Variants in GRID2 observed in about 807,000 individuals in gnomAD.
GRID2 encodes glutamate ionotropic receptor delta type subunit 2, also known as glutamate receptor ionotropic, delta-2.
A neutral mutation model predicts 114.8 loss-of-function variants in GRID2; 33 were observed. That is an observed-to-expected ratio of 0.29 (90% CI 0.22 to 0.38). The LOEUF is 0.38. Ranked by LOEUF, GRID2 falls within the 10% of genes least tolerant of loss-of-function variation. The pLI is 1.00. For missense variants in GRID2, 1,184 were observed against 1,257.7 expected, an observed-to-expected ratio of 0.94 and a Z score of 0.89; for synonymous variants, 505 against 449.9, an observed-to-expected ratio of 1.12 and a Z score of -1.55.
At chr4:92,732,216 A>C (rs1736361666) in intron 2 of GRID2, among the ~76,000 whole-genome samples, 1 of 152,090 alleles carries the variant, frequency 6.6e-6, no homozygotes, top group Non-Finnish European at 1.5e-5. Flanking sequence ...AATTGTGAGT[A>C]TAATTTTTTT....
At chr4:93,033,460 A>G (rs1239065450) in intron 2 of GRID2, among the ~76,000 whole-genome samples, 2 of 152,174 alleles carry the variant, frequency 1.3e-5, no homozygotes, top group African/African-American at 4.8e-5. Context: ...GACTGTACAC[A>G]TGGAGTATTG....
At chr4:92,816,785 G>A (rs1740944679) in intron 2 of GRID2, among the ~76,000 whole-genome samples, 1 of 152,102 alleles carries the variant, frequency 6.6e-6, no homozygotes, top group Non-Finnish European at 1.5e-5. Context: ...TGTGGATTTA[G>A]TAAAAGATTA....
At chr4:92,388,239 AC>A (rs1730071516) in intron 1 of GRID2, among the ~76,000 whole-genome samples, 1 of 152,012 alleles carries the variant, frequency 6.6e-6, no homozygotes, top group Non-Finnish European at 1.5e-5. Flanking sequence ...AGGGGTTTTA[AC>A]CTTTTTAGGT....
At chr4:93,575,349 G>A (rs921077414) in intron 13 of GRID2, among the ~76,000 whole-genome samples, 4 of 152,106 alleles carry the variant, frequency 2.6e-5, no homozygotes, top group African/African-American at 9.7e-5. Flanking sequence ...ATTGGTTCAC[G>A]TGTGTACTCC....
intron 10 of GRID2, among the ~76,000 whole-genome samples, chr4:93,435,945 A>G (rs1219218405): frequency 6.6e-6 from 1 of 152,006 alleles, no homozygotes; most frequent in East Asian, 1.9e-4. Flanking sequence ...ACCTTTCTTT[A>G]TCCCTACTTC....
intron 2 of GRID2, among the ~76,000 whole-genome samples, chr4:93,050,981 A>G (rs1726654204): frequency 6.6e-6 from 1 of 152,042 alleles, no homozygotes; most frequent in Non-Finnish European, 1.5e-5. Flanking sequence ...TAAATGCTGA[A>G]TATAAAGGTC....
At chr4:92,629,144 A>T (rs917896518) in intron 2 of GRID2, among the ~76,000 whole-genome samples, 4 of 152,024 alleles carry the variant, frequency 2.6e-5, no homozygotes, top group Non-Finnish European at 2.9e-5. Context: ...GTTACCTCAG[A>T]TTAAACAGTA....
chr4:92,686,984 T>G (rs894590448), intron 2 of GRID2, among the ~76,000 whole-genome samples: 3 of 152,180 alleles, frequency 2.0e-5, no homozygotes, highest in Non-Finnish European at 4.4e-5. Flanking sequence ...CTTCTCTGTC[T>G]TGTCATTATA....
At chr4:93,103,128 G>A (rs1731859048) in intron 3 of GRID2, among the ~76,000 whole-genome samples, 1 of 151,960 alleles carries the variant, frequency 6.6e-6, no homozygotes, top group South Asian at 2.1e-4. Flanking sequence ...CCGCTTAGGG[G>A]AACCACCTCA....
chr4:93,238,653 T>G (rs1024885799), intron 8 of GRID2, among the ~76,000 whole-genome samples, 163 bp downstream of exon 8: 3 of 151,660 alleles, frequency 2.0e-5, no homozygotes, highest in Non-Finnish European at 4.4e-5. Context: ...CTTTAAATAT[T>G]TACCAGAAGT....
chr4:92,610,501 C>G (rs758193907), intron 2 of GRID2, among the ~76,000 whole-genome samples: 4 of 151,662 alleles, frequency 2.6e-5, no homozygotes, highest in Admixed American at 6.6e-5. Context: ...TCTGAGAACT[C>G]AGATGCTCCA....
chr4:92,677,094 G>C (rs370751479), intron 2 of GRID2, among the ~76,000 whole-genome samples: 36 of 152,238 alleles, frequency 2.4e-4, no homozygotes, highest in African/African-American at 7.2e-4. Flanking sequence ...AAAACAGATT[G>C]GTGGCTGCCA....
At chr4:93,055,245 G>C (rs1324732480) in intron 2 of GRID2, among the ~76,000 whole-genome samples, 1 of 151,654 alleles carries the variant, frequency 6.6e-6, no homozygotes, top group Non-Finnish European at 1.5e-5. Flanking sequence ...GGAATCATGA[G>C]ACCTTACTGC....
intron 9 of GRID2, among the ~76,000 whole-genome samples, chr4:93,408,154 G>C (rs755485588): frequency 6.2e-4 from 94 of 152,226 alleles, no homozygotes; most frequent in Non-Finnish European, 1.1e-3. Flanking sequence ...GTCTTTCACT[G>C]TTTTAAAAGT....
chr4:93,105,571 G>A (rs551220407), intron 3 of GRID2, among the ~76,000 whole-genome samples: 2 of 152,174 alleles, frequency 1.3e-5, no homozygotes, highest in Non-Finnish European at 2.9e-5. Context: ...TGGAATCTCA[G>A]TGGGCTATAA....
intron 4 of GRID2, among the ~76,000 whole-genome samples, chr4:93,154,842 C>A (rs542033777): frequency 6.6e-6 from 1 of 151,930 alleles, no homozygotes; most frequent in Admixed American, 6.6e-5. Flanking sequence ...ACTCGTATTC[C>A]TTAGGAACCC....
At chr4:92,474,643 A>G (rs1038895767) in intron 1 of GRID2, among the ~76,000 whole-genome samples, 7 of 152,032 alleles carry the variant, frequency 4.6e-5, no homozygotes, top group African/African-American at 7.2e-5. Context: ...AATACTGTAC[A>G]GTGGTTCCCT....
At chr4:93,123,993 T>C (rs1734033832) in intron 4 of GRID2, among the ~76,000 whole-genome samples, 1 of 148,644 alleles carries the variant, frequency 6.7e-6, no homozygotes, top group Admixed American at 6.7e-5. Flanking sequence ...CATTGGGAGA[T>C]ATACCTAATG....
At chr4:93,170,468 C>T (rs944668483) in intron 4 of GRID2, among the ~76,000 whole-genome samples, 1 of 152,072 alleles carries the variant, frequency 6.6e-6, no homozygotes, top group Non-Finnish European at 1.5e-5. Context: ...TTTCTCTGGG[C>T]TTGGGTGCAC....
Sources: gnomAD v4.1 joint callset for allele counts (sites outside exome capture counted in the v4.1 genomes callset) on GRCh38, gnomAD v4.1.1 for gene constraint, MANE v1.5 for transcripts, NCBI Gene and HGNC (gene_info 2026-07-23, HGNC 2026-07-21) for gene names.